The following ANGEL1 variants were observed in gnomAD, a reference collection of about 807,000 sequenced individuals.
ANGEL1 encodes RNA 2',3'-cyclic phosphatase ANGEL1.
Under a neutral mutation model 76.4 loss-of-function variants are expected in ANGEL1, and 62 were observed. That is an observed-to-expected ratio of 0.81 (90% CI 0.66 to 1.00). The LOEUF is 1.00. Ranked by LOEUF, ANGEL1 falls within the 50% of genes least tolerant of loss-of-function variation. ANGEL1 has a pLI of 0.00. For synonymous variants in ANGEL1, 340 were observed against 331.7 expected (o/e 1.03, Z -0.27); for missense variants, 737 against 836.7 (o/e 0.88, Z 1.47).
In ANGEL1 at chr14:76,790,555, C is replaced by T. The variant is rs1333918333; in HGVS notation, c.1852+56G>A. 4 of 1,560,756 alleles carry T rather than the reference C, an allele frequency of 2.6e-6. No individual in the cohort carries two copies. In the East Asian group the frequency reaches 9.0e-5, roughly 35 times the overall value. ...ACATGCTACCAAATGCCTGACCTACCATTAGCTGTTCCCAGGGACCTGGGG... is the reference window on the plus strand; with the variant it reads ...ACATGCTACCAAATGCCTGACCTACTATTAGCTGTTCCCAGGGACCTGGGG... On this transcript the variant is annotated intron_variant, in intron 9 of 9. Coordinates refer to ENST00000251089, the MANE Select transcript of ANGEL1 (RefSeq NM_015305.4).
At chr14:76,792,841 G>C (rs911137553) in intron 7 of ANGEL1, among the ~76,000 whole-genome samples, 5 of 152,282 alleles carry the variant, frequency 3.3e-5, no homozygotes, top group African/African-American at 1.2e-4. Context: ...AACAAGGAAA[G>C]GGTGTCTGTT....
chr14:76,811,911 A>G (rs1895098795), intron 1 of ANGEL1, among the ~76,000 whole-genome samples: 1 of 152,232 alleles, frequency 6.6e-6, no homozygotes, highest in South Asian at 2.1e-4. Context: ...AATTGTGTAA[A>G]GTTCCACAAA....
At chr14:76,793,802 A>G (rs1183552677) in intron 7 of ANGEL1, among the ~76,000 whole-genome samples, 1 of 152,134 alleles carries the variant, frequency 6.6e-6, no homozygotes, top group Non-Finnish European at 1.5e-5. Context: ...TTTCCTAAAC[A>G]TACCTATGAT....
In ANGEL1 at chr14:76,786,918, A is replaced by C. The variant is rs943594173; in HGVS notation, c.*2310T>G. On this transcript the variant is annotated 3_prime_UTR_variant, in exon 10 of 10. Coordinates refer to ENST00000251089, the MANE Select transcript of ANGEL1 (RefSeq NM_015305.4). ...CTGAAGTGCAGAAGATACTAGGAGG[A>C]GGCATGGGGGGAGCAGATGGAGGAA... is the stretch of plus-strand genomic sequence containing the variant. 6.6e-6 allele frequency: 1 copy of C among 152,274 alleles called. No homozygotes were observed. Among genetic ancestry groups the C allele is most frequent in the Non-Finnish European group, 1.5e-5 (1 of 68,088 alleles). The allele number at this position is 152,274 out of a possible 1,614,324, so 9.4% of individuals were successfully genotyped here.
At chr14:76,800,370 T>A (rs564928117) in intron 7 of ANGEL1, among the ~76,000 whole-genome samples, 4 of 152,238 alleles carry the variant, frequency 2.6e-5, no homozygotes, top group Non-Finnish European at 5.9e-5. Flanking sequence ...TGGCCATCAT[T>A]GTTATCACTA....
At chr14:76,799,282 T>C (rs1894683321) in intron 7 of ANGEL1, among the ~76,000 whole-genome samples, 1 of 49,460 alleles carries the variant, frequency 2.0e-5, no homozygotes, top group Non-Finnish European at 4.5e-5. Flanking sequence ...GGCCTCCTTT[T>C]TTTTTTTTTT....
At chr14:76,794,353 A>G (rs1451678135) in intron 7 of ANGEL1, among the ~76,000 whole-genome samples, 2 of 152,172 alleles carry the variant, frequency 1.3e-5, no homozygotes, top group African/African-American at 2.4e-5. Flanking sequence ...TCACGCCAAT[A>G]TATCTGATAA....
intron 7 of ANGEL1, among the ~76,000 whole-genome samples, chr14:76,797,708 G>C (rs992413689): frequency 2.0e-5 from 3 of 152,228 alleles, no homozygotes; most frequent in Admixed American, 6.5e-5. Flanking sequence ...GTGACCTTCC[G>C]GTCAGTTTGT....
chr14:76,806,864 C>A lies in ANGEL1; in HGVS notation c.947-15G>T. ...ACAGGTAAAGCCTGCAAGGAAAATC[C>A]CACCAAAGAGATGGGTCAGAGTCCT... On this transcript the variant is annotated splice_polypyrimidine_tract_variant and intron_variant, in intron 4 of 9. Coordinates refer to ENST00000251089, the MANE Select transcript of ANGEL1 (RefSeq NM_015305.4). The A allele has an allele frequency of 6.2e-7, 1 of 1,606,572 alleles. No individual in the cohort carries two copies. The highest frequency in any genetic ancestry group is 8.5e-7 in the Non-Finnish European group (1 of 1,175,638).
rs1478298901 is a variant in ANGEL1, at chr14:76,806,701, G to A, written c.1095C>T (p.Gly365=). The A allele has an allele frequency of 1.2e-6, 2 of 1,613,638 alleles. No individual in the cohort carries two copies. The highest frequency in any genetic ancestry group is 1.3e-5 in the African/African-American group (1 of 74,784). Residue 365 remains glycine, a synonymous_variant, in exon 5 of 10, where the codon GGC becomes GGT. Transcript: ENST00000251089. ...GLELLNRDNV[G]LVLLLQPLVP... ...CGAGTGGTTGCAGTAGCAACACTAA[G>A]CCCACATTATCCCGATTAAGTAGCT...
Position 76,809,588 on chromosome 14 carries a change from C to A in ANGEL1, c.120G>T (p.Gln40His), listed in dbSNP as rs776991398. The A allele has an allele frequency of 1.2e-6, 2 of 1,614,166 alleles. No homozygotes were observed. Among genetic ancestry groups the A allele is most frequent in the Non-Finnish European group, 1.7e-6 (2 of 1,180,036 alleles). ...GGGCCATGGCAAAGTCGCCCTCTACCTGGGGGGATGAGCTGTTCGCCAGAA... is the reference window on the plus strand; with the variant it reads ...GGGCCATGGCAAAGTCGCCCTCTACATGGGGGGATGAGCTGTTCGCCAGAA... ...NVLLANSSSP[Q>H]VEGDFAMAPR... is the part of the protein sequence containing the mutation. The change falls in exon 2 of 10, where the codon CAG becomes CAT. Residue 40 changes from glutamine (Q) to histidine (H), a missense_variant. Around this residue, in one of 2 missense-constraint regions of ANGEL1, gnomAD observed 441 missense variants for 449.5 expected, o/e 0.98. Transcript: ENST00000251089.
chr14:76,794,175 G>A (rs1478507393), intron 7 of ANGEL1, among the ~76,000 whole-genome samples: 1 of 152,168 alleles, frequency 6.6e-6, no homozygotes, highest in East Asian at 1.9e-4. Flanking sequence ...GGTTTCGTTT[G>A]TGGGTGATGA....
intron 7 of ANGEL1, among the ~76,000 whole-genome samples, chr14:76,800,276 G>C (rs1894722172): frequency 6.6e-6 from 1 of 152,160 alleles, no homozygotes; most frequent in African/African-American, 2.4e-5. Flanking sequence ...AAATCACTGA[G>C]CTACGGCTCC....
intron 7 of ANGEL1, among the ~76,000 whole-genome samples, chr14:76,801,541 T>C (rs1405697745): frequency 6.6e-6 from 1 of 152,154 alleles, no homozygotes; most frequent in African/African-American, 2.4e-5. Flanking sequence ...TAGGCTTTCT[T>C]CTTTGGGAAC....
chr14:76,794,057 G>A (rs1894500499), intron 7 of ANGEL1, among the ~76,000 whole-genome samples: 1 of 152,110 alleles, frequency 6.6e-6, no homozygotes, highest in African/African-American at 2.4e-5. Flanking sequence ...CATAAGGACA[G>A]ATACAGACAG....
intron 7 of ANGEL1, among the ~76,000 whole-genome samples, chr14:76,795,110 A>C (rs189435585): frequency 1.9e-3 from 287 of 152,210 alleles, no homozygotes; most frequent in Admixed American, 5.2e-3. Context: ...TCTTTAATCA[A>C]GATGCTGTTT....
intron 7 of ANGEL1, among the ~76,000 whole-genome samples, chr14:76,797,012 T>TGAACAAACAGCACTGC (rs1466909826): frequency 2.6e-5 from 4 of 152,308 alleles, no homozygotes; most frequent in African/African-American, 9.6e-5. Flanking sequence ...TGCAGCACTG[T>TGAACAAACAGCACTGC]GAACAAACAG....
chr14:76,792,197 A>G (rs1894426167), intron 7 of ANGEL1, among the ~76,000 whole-genome samples: 2 of 152,328 alleles, frequency 1.3e-5, no homozygotes, highest in South Asian at 4.1e-4. Context: ...ACTATGCACA[A>G]TAACTCAAGA....
At position 76,812,876 on chromosome 14, in the gene ANGEL1, C is replaced by G; in HGVS notation, c.-49G>C. On this transcript the variant is annotated 5_prime_UTR_variant, in exon 1 of 10. Coordinates refer to ENST00000251089, the MANE Select transcript of ANGEL1 (RefSeq NM_015305.4). The stretch of plus-strand genomic sequence containing the variant: ...CGCTCCTCACTGCAGCCAGCAGGTC[C>G]TCCCTCAGCTCGGCCCCGCCCCCGG... The G allele has an allele frequency of 1.4e-6, 2 of 1,466,314 alleles. No individual in the cohort carries two copies. Among genetic ancestry groups the G allele is most frequent in the African/African-American group, 1.5e-5 (1 of 68,508 alleles). 90.8% of individuals were successfully genotyped at this position (1,466,314 alleles called of 1,614,324 possible). A position where few individuals can be genotyped will look rare whatever the true frequency, so the allele number is the denominator to read the frequency against.
Sources: allele counts gnomAD v4.1 joint callset (sites outside exome capture counted in the v4.1 genomes callset), GRCh38; gene constraint gnomAD v4.1.1; regional missense constraint gnomAD v4.1.1; transcripts MANE v1.5; gene names NCBI Gene and HGNC (gene_info 2026-07-23, HGNC 2026-07-21).